NRG1: variants seen among roughly 807,000 people sequenced by gnomAD.
NRG1 encodes pro-neuregulin-1, membrane-bound isoform.
A neutral mutation model predicts 63.8 loss-of-function variants in NRG1; 18 were observed. The ratio of observed to expected loss-of-function variants is 0.28; its 90% confidence interval spans 0.19 to 0.42. The LOEUF is 0.42. NRG1 is among the 10% of genes least tolerant of loss of function. The pLI, the probability that NRG1 is intolerant of heterozygous loss-of-function variation, is 1.00. For missense variants in NRG1, 762 were observed against 814.7 expected (o/e 0.94, Z 0.79); for synonymous variants, 302 against 301.3 (o/e 1.00, Z -0.02).
chr8:32,029,356 T>C (rs1055055295), intron 1 of NRG1: 2 of 152,222 alleles, frequency 1.3e-5, no homozygotes, highest in African/African-American at 4.8e-5. Context: ...AAGATCTCAA[T>C]TGGCTTTTAC....
At chr8:32,160,944 C>T (rs1387279955) in intron 1 of NRG1, among the ~76,000 whole-genome samples, 1 of 152,082 alleles carries the variant, frequency 6.6e-6, no homozygotes, top group East Asian at 1.9e-4. Flanking sequence ...ACTTGAATAC[C>T]TACACTCTAC....
chr8:32,555,596 C>G lies in NRG1; in HGVS notation c.100+6770C>G, dbSNP rs554265577. Among the ~76,000 whole-genome samples, 5 of 152,268 alleles carry G rather than the reference C, an allele frequency of 3.3e-5. No individual in the cohort carries two copies. The East Asian group carries it at 7.8e-4, about 24-fold the overall frequency. ...ACGCCATTCTCCTGCCTCAGCCTCC[C>G]GAGTAGCTGGGACTACAGGCGCCCA... is the stretch of plus-strand genomic sequence containing the variant. On this transcript the variant is annotated intron_variant, in intron 1 of 11. Transcript: ENST00000356819.
intron 1 of NRG1, among the ~76,000 whole-genome samples, chr8:32,190,437 G>T (rs1417769754): frequency 6.6e-6 from 1 of 152,102 alleles, no homozygotes. Flanking sequence ...AAAGGCAACA[G>T]CTGTGAGGTC....
At position 31,640,040 on chromosome 8, in the gene NRG1, G is replaced by A. The variant is rs890431354; in HGVS notation, c.37+609G>A. The A allele has an allele frequency of 7.6e-5, 87 of 1,144,284 alleles. No homozygotes were observed. The highest frequency in any genetic ancestry group is 8.7e-5 in the Non-Finnish European group (81 of 933,750). The allele number at this position is 1,144,284 out of a possible 1,614,324, so 70.9% of individuals were successfully genotyped here. A position where few individuals can be genotyped will look rare whatever the true frequency, so the allele number is the denominator to read the frequency against. ...GGGCGTCCCGGCCCCCGGGCCCAGCGCCCCGGCTCCGCCGCCCGCTCGTCG... is the reference window on the plus strand; with the variant it reads ...GGGCGTCCCGGCCCCCGGGCCCAGCACCCCGGCTCCGCCGCCCGCTCGTCG... On this transcript the variant is annotated intron_variant, in intron 1 of 10. Coordinates refer to the NRG1 transcript ENST00000519301. The surrounding 1 kb of genome is among the most constrained non-coding windows in gnomAD (Gnocchi z 6.3).
chr8:32,289,838 T>C (rs1300802973), intron 1 of NRG1, among the ~76,000 whole-genome samples: 2 of 152,218 alleles, frequency 1.3e-5, no homozygotes, highest in Admixed American at 1.3e-4. Context: ...GGATTTCAGG[T>C]CAAAACGATA....
intron 2 of NRG1, 91 bp downstream of exon 2, chr8:32,596,096 C>A: frequency 9.9e-7 from 1 of 1,014,248 alleles, no homozygotes. Context: ...AATTTACTAT[C>A]AGAAACATAA....
chr8:32,364,803 G>A (rs2129482263), intron 1 of NRG1, among the ~76,000 whole-genome samples: 1 of 152,172 alleles, frequency 6.6e-6, no homozygotes, highest in African/African-American at 2.4e-5. Context: ...ATATCAAAGT[G>A]TCTGTTCTTG....
At chr8:31,825,018 TA>T (rs970141283) in intron 1 of NRG1, among the ~76,000 whole-genome samples, 1 of 152,186 alleles carries the variant, frequency 6.6e-6, no homozygotes, top group African/African-American at 2.4e-5. Context: ...GGCATGCAGG[TA>T]AAAAAATCGC....
intron 1 of NRG1, among the ~76,000 whole-genome samples, chr8:32,052,442 A>C (rs964651872): frequency 1.3e-5 from 2 of 151,684 alleles, no homozygotes; most frequent in Non-Finnish European, 2.9e-5. Flanking sequence ...TGCCCCATTA[A>C]TTTTTTATTT....
intron 1 of NRG1, among the ~76,000 whole-genome samples, chr8:31,795,519 A>G (rs1026703229): frequency 2.5e-4 from 38 of 152,116 alleles, no homozygotes; most frequent in African/African-American, 9.2e-4. Context: ...GCTTCTCCCT[A>G]TATTGTCCTG....
chr8:31,842,774 G>C (rs1157733907), intron 1 of NRG1, among the ~76,000 whole-genome samples: 1 of 152,140 alleles, frequency 6.6e-6, no homozygotes, highest in Non-Finnish European at 1.5e-5. Flanking sequence ...GATAGTTTAA[G>C]ATATGCCCTT....
chr8:32,237,499 T>C (rs561301980), intron 1 of NRG1, among the ~76,000 whole-genome samples: 21 of 152,302 alleles, frequency 1.4e-4, no homozygotes, highest in South Asian at 2.1e-4. Flanking sequence ...GGTTTTTTTT[T>C]CCCCGTGATT....
intron 1 of NRG1, among the ~76,000 whole-genome samples, chr8:31,949,818 A>G (rs1433579165): frequency 6.6e-6 from 1 of 152,214 alleles, no homozygotes; most frequent in Non-Finnish European, 1.5e-5. Flanking sequence ...AGTATCCCAA[A>G]CGTAGTTCTT....
At chr8:32,429,004 C>T (rs1817787939) in intron 1 of NRG1, among the ~76,000 whole-genome samples, 2 of 152,142 alleles carry the variant, frequency 1.3e-5, no homozygotes, top group Admixed American at 6.6e-5. Context: ...GTTCATTCCA[C>T]TCCATGTGTT....
chr8:32,441,717 G>A (rs1425606020), intron 1 of NRG1, among the ~76,000 whole-genome samples: 1 of 152,118 alleles, frequency 6.6e-6, no homozygotes. Context: ...TTACTCTGGA[G>A]TCTCAACAGA....
chr8:32,291,092 T>A (rs1336787973), intron 1 of NRG1, among the ~76,000 whole-genome samples: 2 of 152,216 alleles, frequency 1.3e-5, no homozygotes, highest in Non-Finnish European at 2.9e-5. Flanking sequence ...AATGTCCCAG[T>A]TTGAATACAA....
chr8:32,285,229 A>G (rs1013249125), intron 1 of NRG1, among the ~76,000 whole-genome samples: 8 of 152,192 alleles, frequency 5.3e-5, no homozygotes, highest in African/African-American at 1.9e-4. Flanking sequence ...GCCCAAATGC[A>G]TCACCTGTTT....
chr8:32,387,424 G>T (rs959408559), intron 1 of NRG1, among the ~76,000 whole-genome samples: 2 of 152,162 alleles, frequency 1.3e-5, no homozygotes, highest in Non-Finnish European at 1.5e-5. Flanking sequence ...GATGAAGTCT[G>T]CAAAGGTATA....
In NRG1 at chr8:32,596,020, T is replaced by C. The variant is rs1009117489; in HGVS notation, c.278+15T>C. ...AAAAAGCCAGGGTAAGTATAATGCA[T>C]AAAATAGTAGAGACTGCCCCCAGCA... On this transcript the variant is annotated intron_variant, in intron 2 of 11. Coordinates refer to ENST00000356819, the Ensembl canonical transcript of NRG1. 1 of 1,603,492 alleles carries C rather than the reference T, an allele frequency of 6.2e-7. No individual in the cohort carries two copies. Among genetic ancestry groups the C allele is most frequent in the Admixed American group, 1.7e-5 (1 of 58,910 alleles).
Sources: allele counts gnomAD v4.1 joint callset (sites outside exome capture counted in the v4.1 genomes callset), GRCh38; gene constraint gnomAD v4.1.1; non-coding constraint Gnocchi (gnomAD v3.1); transcripts MANE v1.5; gene names NCBI Gene and HGNC (gene_info 2026-07-23, HGNC 2026-07-21).